FAM120A: variants seen among roughly 807,000 people sequenced by gnomAD.
FAM120A encodes constitutive coactivator of PPAR-gamma-like protein 1.
In FAM120A, 15 loss-of-function variants were observed where a neutral mutation model predicts 109.7. The ratio of observed to expected loss-of-function variants is 0.14; its 90% confidence interval spans 0.09 to 0.21. FAM120A has a LOEUF of 0.21. Ranked by LOEUF, FAM120A falls within the 10% of genes least tolerant of loss-of-function variation. The pLI is 1.00. For missense variants in FAM120A, 899 were observed against 1,439.3 expected, an observed-to-expected ratio of 0.62 and a Z score of 6.07; for synonymous variants, 493 against 572.8, an observed-to-expected ratio of 0.86 and a Z score of 1.99.
chr9:93,556,354 C>A, intron 12 of FAM120A, 28 bp from the exon 13 acceptor site: 4 of 1,573,094 alleles, frequency 2.5e-6, no homozygotes, highest in Non-Finnish European at 3.5e-6. Context: ...ACTCTTATTC[C>A]ATAGAAATTA....
At chr9:93,497,998 T>C (rs1358168288) in intron 4 of FAM120A, among the ~76,000 whole-genome samples, 1 of 152,214 alleles carries the variant, frequency 6.6e-6, no homozygotes, top group Admixed American at 6.5e-5. Flanking sequence ...TTTCTTCAGG[T>C]GATTGTCAGG....
intron 1 of FAM120A, chr9:93,453,504 G>C: frequency 1.0e-6 from 1 of 985,430 alleles, no homozygotes; most frequent in Non-Finnish European, 1.2e-6. Context: ...CCTTGAAACT[G>C]CTGGAGCTGA....
intron 12 of FAM120A, among the ~76,000 whole-genome samples, chr9:93,553,714 C>T (rs1407579517): frequency 2.0e-5 from 3 of 152,106 alleles, no homozygotes; most frequent in Non-Finnish European, 4.4e-5. Flanking sequence ...GATTTGGGTT[C>T]TCCCAATTAC....
intron 7 of FAM120A, among the ~76,000 whole-genome samples, chr9:93,521,086 AGAG>A (rs1860826528): frequency 6.6e-6 from 1 of 152,314 alleles, no homozygotes; most frequent in Non-Finnish European, 1.5e-5. Flanking sequence ...AAAATCTGTT[AGAG>A]GAGGAGTTCT....
At chr9:93,477,069 G>C (rs1711851658) in intron 3 of FAM120A, among the ~76,000 whole-genome samples, 2 of 152,120 alleles carry the variant, frequency 1.3e-5, no homozygotes, top group African/African-American at 4.8e-5. Context: ...TAGGAAGATG[G>C]GGACCTAGAC....
chr9:93,502,378 C>G (rs1859840189), intron 5 of FAM120A, among the ~76,000 whole-genome samples: 1 of 151,958 alleles, frequency 6.6e-6, no homozygotes, highest in Non-Finnish European at 1.5e-5. Flanking sequence ...CTTAATTGGG[C>G]CTTAGGAATT....
At chr9:93,549,553 T>A (rs1258769120) in intron 11 of FAM120A, among the ~76,000 whole-genome samples, 4 of 152,204 alleles carry the variant, frequency 2.6e-5, no homozygotes, top group African/African-American at 9.6e-5. Flanking sequence ...CAAGAATGAT[T>A]TAGTGCTCAG....
intron 12 of FAM120A, among the ~76,000 whole-genome samples, chr9:93,555,396 G>C (rs1862254574): frequency 6.6e-6 from 1 of 152,220 alleles, no homozygotes; most frequent in Admixed American, 6.5e-5. Flanking sequence ...AACAGCAGAT[G>C]ATTGTAAGTT....
At chr9:93,518,751 T>C (rs1314211391) in intron 7 of FAM120A, among the ~76,000 whole-genome samples, 1 of 152,158 alleles carries the variant, frequency 6.6e-6, no homozygotes, top group Non-Finnish European at 1.5e-5. Context: ...AGCCAGCTGA[T>C]GGCCTGTGGT....
intron 1 of FAM120A, among the ~76,000 whole-genome samples, chr9:93,458,405 T>C (rs948080125): frequency 2.6e-5 from 4 of 152,002 alleles, no homozygotes; most frequent in African/African-American, 9.7e-5. Flanking sequence ...CACTTCAGAG[T>C]TACACCCTCT....
chr9:93,550,434 A>T, intron 11 of FAM120A, 143 bp from the exon 12 acceptor site: 1 of 616,738 alleles, frequency 1.6e-6, no homozygotes, highest in Non-Finnish European at 2.9e-6. Flanking sequence ...TGAAAGTAGA[A>T]AAGTAGAAAA....
At chr9:93,559,390 C>T (rs772581137) in intron 15 of FAM120A, among the ~76,000 whole-genome samples, 3 of 152,236 alleles carry the variant, frequency 2.0e-5, no homozygotes, top group Admixed American at 2.0e-4. Flanking sequence ...ACAGGATTAA[C>T]TGTTCAGATG....
Position 93,529,528 on chromosome 9 carries a change from A to G in FAM120A, c.1682A>G (p.His561Arg). 1 of 1,614,254 alleles carries G rather than the reference A, an allele frequency of 6.2e-7. No individual in the cohort carries two copies. Among genetic ancestry groups the G allele is most frequent in the Non-Finnish European group, 8.5e-7 (1 of 1,180,036 alleles). The change falls in exon 9 of 18, where the codon CAC (histidine) becomes CGC (arginine). Residue 561 changes from histidine to arginine, a missense_variant. Coordinates refer to ENST00000277165, the MANE Select transcript of FAM120A (RefSeq NM_014612.5). ...VAPEVLRVAE[H>R]RHKKGLMYPY... Reference sequence around the variant, plus strand: ...CCTGAGGTGCTGAGAGTGGCCGAGCACAGGCACAAGAAGGGGCTGATGTAC... The same window carrying G: ...CCTGAGGTGCTGAGAGTGGCCGAGCGCAGGCACAAGAAGGGGCTGATGTAC...
intron 7 of FAM120A, among the ~76,000 whole-genome samples, chr9:93,520,830 T>C (rs945795504): frequency 6.6e-6 from 1 of 152,240 alleles, no homozygotes; most frequent in Non-Finnish European, 1.5e-5. Context: ...TGGCAGCAGA[T>C]CAGGAAATGC....
At chr9:93,474,727 G>T (rs980689278) in intron 2 of FAM120A, among the ~76,000 whole-genome samples, 1 of 152,076 alleles carries the variant, frequency 6.6e-6, no homozygotes, top group African/African-American at 2.4e-5. Context: ...CCGAGTAGCT[G>T]GGACTACAGG....
intron 12 of FAM120A, among the ~76,000 whole-genome samples, chr9:93,556,121 C>T (rs1377842203): frequency 1.3e-5 from 2 of 152,172 alleles, no homozygotes; most frequent in Non-Finnish European, 2.9e-5. Flanking sequence ...CTCTACACTG[C>T]GGAACGCTTT....
intron 7 of FAM120A, among the ~76,000 whole-genome samples, chr9:93,524,894 G>GT (rs1268901567): frequency 1.3e-5 from 2 of 152,184 alleles, no homozygotes; most frequent in Admixed American, 6.5e-5. Flanking sequence ...TCAGCGCAGT[G>GT]TAAGTCAGTG....
chr9:93,476,640 C>T (rs1337117668), intron 3 of FAM120A, among the ~76,000 whole-genome samples: 1 of 152,084 alleles, frequency 6.6e-6, no homozygotes, highest in Non-Finnish European at 1.5e-5. Flanking sequence ...TATTAATTTT[C>T]TTACTTAAAA....
intron 2 of FAM120A, among the ~76,000 whole-genome samples, chr9:93,472,492 G>A (rs1268132775): frequency 6.6e-6 from 1 of 152,200 alleles, no homozygotes; most frequent in Non-Finnish European, 1.5e-5. Context: ...CCATGAATCT[G>A]ATGGGATTTG....
Sources: gnomAD v4.1 joint callset for allele counts (sites outside exome capture counted in the v4.1 genomes callset) on GRCh38, gnomAD v4.1.1 for gene constraint, MANE v1.5 for transcripts, NCBI Gene and HGNC (gene_info 2026-07-23, HGNC 2026-07-21) for gene names.